Variants in HERC1 observed in about 807,000 individuals in gnomAD.
HERC1 encodes probable E3 ubiquitin-protein ligase HERC1.
A neutral mutation model predicts 554.3 loss-of-function variants in HERC1; 160 were observed. The observed-to-expected ratio is 0.29, with a 90% CI of 0.25 to 0.33. The LOEUF (loss-of-function observed/expected upper bound fraction) is 0.33. HERC1 is among the 10% of genes least tolerant of loss of function. The probability of loss-of-function intolerance (pLI) is 1.00; values close to 1 mark genes in which losing one functional copy is unlikely to be tolerated. For missense variants in HERC1, 4,919 were observed against 5,918.5 expected, an observed-to-expected ratio of 0.83 and a Z score of 5.54; for synonymous variants, 2,175 against 2,131.7, an observed-to-expected ratio of 1.02 and a Z score of -0.56.
rs2068187108 is a variant in HERC1 at position 63,623,823 on chromosome 15, G to A, written c.13513C>T (p.Leu4505Phe). Residue 4505 changes from leucine to phenylalanine, a missense_variant, in exon 73 of 78, where the codon CTC becomes TTC. Physicochemically the swap from Leu to Phe is conservative, Grantham distance 22. This residue lies in a region of HERC1 where 410 missense variants were observed against 467.0 expected (regional missense o/e 0.88). Transcript: ENST00000443617. ...TTCCACGCTCGGGAAGGCAGGCGGA[G>A]GTCTGAAGCATTCAGCTTAACTACT... Reference protein sequence around the residue: ...RQVVKLNASDLRLPSRAWKVK... With the variant: ...RQVVKLNASDFRLPSRAWKVK... 1 of 1,613,972 alleles carries A rather than the reference G, an allele frequency of 6.2e-7. No homozygotes were observed. Among genetic ancestry groups the A allele is most frequent in the East Asian group, 2.2e-5 (1 of 44,882 alleles).
chr15:63,707,250 G>A lies in HERC1; in HGVS notation c.4585-419C>T, dbSNP rs1050014549. Reference sequence around the variant, plus strand: ...CTTTTCAAAACTTCCACTAGCCTTCGCTAGGTGTTTAGAAGAAGAAAATCT... The same window carrying A: ...CTTTTCAAAACTTCCACTAGCCTTCACTAGGTGTTTAGAAGAAGAAAATCT... On this transcript the variant is annotated intron_variant, in intron 24 of 77. Coordinates refer to ENST00000443617, the MANE Select transcript of HERC1 (RefSeq NM_003922.4). 3.9e-5 allele frequency among the ~76,000 whole-genome samples: 6 copies of A among 152,100 alleles called. No individual in the cohort carries two copies. The East Asian group carries it at 5.8e-4, about 15-fold the overall frequency.
chr15:63,737,466 T>C (rs1181583335), intron 12 of HERC1, among the ~76,000 whole-genome samples: 2 of 120,622 alleles, frequency 1.7e-5, no homozygotes, highest in African/African-American at 6.5e-5. Context: ...TATATATATA[T>C]ATATCTTTTT....
chr15:63,658,032 T>A (rs1021765874), intron 48 of HERC1, among the ~76,000 whole-genome samples: 1 of 152,196 alleles, frequency 6.6e-6, no homozygotes. Flanking sequence ...CACAGTCTTA[T>A]GGAAATTTTG....
intron 1 of HERC1, among the ~76,000 whole-genome samples, chr15:63,828,008 T>C (rs1351702455): frequency 6.6e-6 from 1 of 152,166 alleles, no homozygotes; most frequent in Non-Finnish European, 1.5e-5. Context: ...ACAGTTTCTT[T>C]TGGGGGTGAT....
chr15:63,727,623 T>A lies in HERC1; in HGVS notation c.3346+24A>T. The A allele has an allele frequency of 6.4e-7, 1 of 1,562,672 alleles. No individual in the cohort carries two copies. The highest frequency in any genetic ancestry group is 8.7e-7 in the Non-Finnish European group (1 of 1,145,700). ...AACAACTTTTCTCAAAGGCATTATTTGCTCTTTTATTGTCTTTACTTACCA... is the reference window on the plus strand; with the variant it reads ...AACAACTTTTCTCAAAGGCATTATTAGCTCTTTTATTGTCTTTACTTACCA... On this transcript the variant is annotated intron_variant, in intron 17 of 77. Coordinates refer to ENST00000443617, the MANE Select transcript of HERC1 (RefSeq NM_003922.4). The surrounding 1 kb of genome is among the most constrained non-coding windows in gnomAD (Gnocchi z 4.3).
In HERC1 at chr15:63,738,981, A is replaced by AT. The variant is rs11344315; in HGVS notation, c.2521-4133dup. ...GTCCCTCTACTTGAAAAGTCAGTTT[A>AT]TTTTTTTTTTTTCAAATTGACATAT... On this transcript the variant is annotated intron_variant, in intron 12 of 77. Coordinates refer to ENST00000443617, the MANE Select transcript of HERC1 (RefSeq NM_003922.4). 3.4e-5 allele frequency among the ~76,000 whole-genome samples: 5 copies of AT among 148,190 alleles called. No homozygotes were observed. The East Asian group carries it at 6.0e-4, about 18-fold the overall frequency.
chr15:63,706,370 C>T (rs914380364), intron 25 of HERC1, among the ~76,000 whole-genome samples: 4 of 151,914 alleles, frequency 2.6e-5, no homozygotes, highest in Non-Finnish European at 5.9e-5. Context: ...TACACGTGTA[C>T]GGGGTAAGAA....
chr15:63,733,048 G>T lies in HERC1; in HGVS notation c.2744C>A (p.Ser915Tyr), dbSNP rs1258088723. 2 of 1,613,882 alleles carry T rather than the reference G, an allele frequency of 1.2e-6. No homozygotes were observed. Among genetic ancestry groups the T allele is most frequent in the Non-Finnish European group, 1.7e-6 (2 of 1,179,778 alleles). ...YSSPSDAADL[S>Y]SVCTGYGNLS... Reference sequence around the variant, plus strand: ...ATTTCCGTAGCCAGTACACACAGAAGATAGGTCAGCAGCATCAGAGGGTGA... The same window carrying T: ...ATTTCCGTAGCCAGTACACACAGAATATAGGTCAGCAGCATCAGAGGGTGA... The change falls in exon 14 of 78, where the codon TCT (serine) becomes TAT (tyrosine). Residue 915 changes from serine to tyrosine, a missense_variant. This residue lies in a region of HERC1 where 744 missense variants were observed against 1,090.0 expected (regional missense o/e 0.68). Transcript: ENST00000443617.
At chr15:63,817,954 A>G (rs2077551844) in intron 1 of HERC1, among the ~76,000 whole-genome samples, 1 of 152,092 alleles carries the variant, frequency 6.6e-6, no homozygotes, top group Non-Finnish European at 1.5e-5. Flanking sequence ...CTATTCCCAT[A>G]ATAGATTAAT....
chr15:63,806,056 A>AT (rs1293677618), intron 1 of HERC1, among the ~76,000 whole-genome samples: 1 of 151,748 alleles, frequency 6.6e-6, no homozygotes, highest in African/African-American at 2.4e-5. Context: ...CTCAGTATAT[A>AT]TTTTTTCTTA....
rs188870301 is a variant in HERC1, at chr15:63,794,012, G to C, written c.-26-18363C>G. Among the ~76,000 whole-genome samples the C allele has an allele frequency of 1.1e-3, 172 of 152,258 alleles. 1 individual carries two copies. The highest frequency in any genetic ancestry group is 4.0e-3 in the African/African-American group (168 of 41,542). On this transcript the variant is annotated intron_variant, in intron 1 of 77. Transcript: ENST00000443617. ...CTCACCAAAACTGCGATGGCCATGA[G>C]AGTGACCTCTGGTTGTCCTCACTGC...
In HERC1 at chr15:63,645,492, A is replaced by T. The variant is rs1433030970; in HGVS notation, c.11069T>A (p.Leu3690Gln). The T allele has an allele frequency of 2.5e-6, 4 of 1,610,658 alleles. No individual in the cohort carries two copies. The highest frequency in any genetic ancestry group is 2.5e-6 in the Non-Finnish European group (3 of 1,178,262). Residue 3690 changes from leucine (L) to glutamine (Q), a missense_variant, in exon 56 of 78, where the codon CTG becomes CAG. Coordinates refer to ENST00000443617, the MANE Select transcript of HERC1 (RefSeq NM_003922.4). ...CAAATTGACAACATACGTAGCCATC[A>T]GTAACTGCAACTTGGATCCTTTCCC... ...LPGKGSKLQL[L>Q]MATGCQSGLV...
At chr15:63,625,866 T>C (rs1032942377) in intron 71 of HERC1, 119 bp downstream of exon 71, 5 of 993,606 alleles carry the variant, frequency 5.0e-6, no homozygotes, top group African/African-American at 3.2e-5. Flanking sequence ...TGTTATCTTA[T>C]TAGCCATGAA....
chr15:63,806,742 G>C (rs771968559), intron 1 of HERC1, among the ~76,000 whole-genome samples: 1 of 152,190 alleles, frequency 6.6e-6, no homozygotes, highest in Non-Finnish European at 1.5e-5. Context: ...TGCCTTTGTT[G>C]TTGTAAGTTG....
rs2075498718 is a variant in HERC1, at chr15:63,758,313, C to A, written c.1083G>T (p.Gln361His). 1 of 1,613,078 alleles carries A rather than the reference C, an allele frequency of 6.2e-7. No homozygotes were observed. The highest frequency in any genetic ancestry group is 2.2e-5 in the East Asian group (1 of 44,848). Residue 361 changes from glutamine (Q) to histidine (H), a missense_variant, in exon 4 of 78, where the codon CAG (glutamine) becomes CAT (histidine). By Grantham distance (24) the Gln-to-His change is conservative. Transcript: ENST00000443617. This position sits in a 1 kb window ranked among gnomAD's most constrained non-coding sequence, Gnocchi z 4.0. ...CGGAGACAATGGGAGCATCACCAGT[C>A]TGAATGCTATCTGGGCTAGCACATG... ...SRTCASPDSIQTGDAPIVSET... is the reference protein window; with the variant it reads ...SRTCASPDSIHTGDAPIVSET...
At chr15:63,743,806 G>A (rs1209456847) in intron 12 of HERC1, among the ~76,000 whole-genome samples, 2 of 152,144 alleles carry the variant, frequency 1.3e-5, no homozygotes, top group African/African-American at 4.8e-5. Flanking sequence ...GTTTCCCCAG[G>A]ATTGGTCCTT....
At chr15:63,812,453 G>A (rs553145433) in intron 1 of HERC1, among the ~76,000 whole-genome samples, 1 of 152,304 alleles carries the variant, frequency 6.6e-6, no homozygotes, top group East Asian at 1.9e-4. Context: ...TACATCTATT[G>A]CCTTGAGAAT....
chr15:63,820,542 G>A (rs769803716), intron 1 of HERC1, among the ~76,000 whole-genome samples: 4 of 152,096 alleles, frequency 2.6e-5, no homozygotes, highest in African/African-American at 4.8e-5. Context: ...AAATAAAAGT[G>A]GCCATCACCA....
At chr15:63,633,334 A>G (rs1395873101) in intron 67 of HERC1, among the ~76,000 whole-genome samples, 1 of 152,218 alleles carries the variant, frequency 6.6e-6, no homozygotes, top group Non-Finnish European at 1.5e-5. Context: ...AAACCCACAT[A>G]AAACAATCAC....
Sources: allele counts gnomAD v4.1 joint callset (sites outside exome capture counted in the v4.1 genomes callset), GRCh38; gene constraint gnomAD v4.1.1; regional missense constraint gnomAD v4.1.1; non-coding constraint Gnocchi (gnomAD v3.1); transcripts MANE v1.5; gene names NCBI Gene and HGNC (gene_info 2026-07-23, HGNC 2026-07-21).